The following NPLOC4 variants were observed in gnomAD, a reference collection of about 807,000 sequenced individuals.
NPLOC4 encodes the protein nuclear protein localization protein 4 homolog.
NPLOC4 carries 18 observed loss-of-function variants against 80.6 expected under a neutral mutation model. The observed-to-expected ratio is 0.22, with a 90% CI of 0.15 to 0.33. The LOEUF is 0.33. Ranked by LOEUF, NPLOC4 falls within the 10% of genes least tolerant of loss-of-function variation. NPLOC4 has a pLI of 1.00. For missense variants in NPLOC4, 540 were observed against 786.1 expected (o/e 0.69, Z 3.74); for synonymous variants, 313 against 301.5 (o/e 1.04, Z -0.39).
intron 12 of NPLOC4, among the ~76,000 whole-genome samples, chr17:81,576,190 C>T (rs2034294946): frequency 6.6e-6 from 1 of 152,184 alleles, no homozygotes; most frequent in Non-Finnish European, 1.5e-5. Flanking sequence ...TAGATTCCTA[C>T]CTGTACCAGT....
intron 12 of NPLOC4, among the ~76,000 whole-genome samples, chr17:81,585,669 G>GA (rs1206803598): frequency 6.9e-6 from 1 of 144,976 alleles, no homozygotes; most frequent in Admixed American, 7.1e-5. Flanking sequence ...TCTGGGGGGG[G>GA]GGGGAAAGAA....
chr17:81,635,367 A>C (rs2036040113), intron 1 of NPLOC4, among the ~76,000 whole-genome samples: 1 of 150,950 alleles, frequency 6.6e-6, no homozygotes, highest in Admixed American at 6.6e-5. Flanking sequence ...TAAAAAAAAA[A>C]AAAAAAAAGG....
intron 12 of NPLOC4, among the ~76,000 whole-genome samples, chr17:81,586,146 G>A (rs979193358): frequency 3.3e-5 from 5 of 152,178 alleles, no homozygotes; most frequent in African/African-American, 1.2e-4. Context: ...ATCCAAACCA[G>A]ATAAGAAGAC....
chr17:81,629,889 G>C, intron 1 of NPLOC4, 84 bp from the exon 2 acceptor site: 1 of 992,058 alleles, frequency 1.0e-6, no homozygotes, highest in Non-Finnish European at 1.6e-6. Context: ...TGGTCTTTTA[G>C]CATCTGGGTC....
intron 16 of NPLOC4, 133 bp from the exon 17 acceptor site, chr17:81,559,549 C>A (rs1022549832): frequency 6.3e-6 from 6 of 946,256 alleles, no homozygotes; most frequent in Non-Finnish European, 9.4e-6. Flanking sequence ...TGGTCCTGCC[C>A]ACACAGCACT....
chr17:81,599,994 C>A (rs1460070544), intron 9 of NPLOC4, among the ~76,000 whole-genome samples: 1 of 152,128 alleles, frequency 6.6e-6, no homozygotes, highest in African/African-American at 2.4e-5. Context: ...CACACATGCA[C>A]AGAGGAGCCA....
rs530544802 is a variant in NPLOC4 at position 81,578,354 on chromosome 17, A to G, written c.1282-6266T>C. Among the ~76,000 whole-genome samples the G allele has an allele frequency of 2.6e-5, 4 of 152,248 alleles. No homozygotes were observed. The East Asian group carries it at 7.7e-4, about 29-fold the overall frequency. ...GCCACCTCGGCGCACCCTGCTCCCC[A>G]ACAGGACACCTCCACAGTTTCCAAG... On this transcript the variant is annotated intron_variant, in intron 12 of 16. Coordinates refer to ENST00000331134, the MANE Select transcript of NPLOC4 (RefSeq NM_017921.4).
intron 6 of NPLOC4, among the ~76,000 whole-genome samples, chr17:81,607,556 T>C (rs1193242193): frequency 1.3e-5 from 2 of 152,204 alleles, no homozygotes; most frequent in African/African-American, 4.8e-5. Flanking sequence ...CCTCACATAC[T>C]GATCATTTTT....
chr17:81,625,538 A>C (rs2035772867), intron 2 of NPLOC4, among the ~76,000 whole-genome samples: 1 of 152,228 alleles, frequency 6.6e-6, no homozygotes, highest in South Asian at 2.1e-4. Context: ...GAAATAAAAA[A>C]TTCACTGAAC....
At chr17:81,570,239 C>T (rs1358010022) in intron 13 of NPLOC4, among the ~76,000 whole-genome samples, 2 of 152,222 alleles carry the variant, frequency 1.3e-5, no homozygotes, top group Non-Finnish European at 2.9e-5. Flanking sequence ...TACATGGCCT[C>T]GTCAGTTAGG....
intron 3 of NPLOC4, among the ~76,000 whole-genome samples, chr17:81,621,027 A>T (rs1408279336): frequency 2.0e-5 from 3 of 152,034 alleles, no homozygotes; most frequent in Non-Finnish European, 4.4e-5. Context: ...TGTCTCAAGA[A>T]AAGGAAAGAA....
At chr17:81,593,786 C>T (rs537454156) in intron 11 of NPLOC4, among the ~76,000 whole-genome samples, 3 of 151,262 alleles carry the variant, frequency 2.0e-5, no homozygotes, top group African/African-American at 4.9e-5. Context: ...TTCTCTGCTC[C>T]CCTCCTGGGT....
chr17:81,585,610 G>A (rs571390949), intron 12 of NPLOC4, among the ~76,000 whole-genome samples: 1 of 145,558 alleles, frequency 6.9e-6, no homozygotes, highest in Non-Finnish European at 1.5e-5. Context: ...GCAGTGAGCC[G>A]AGATCAGGCC....
At chr17:81,611,436 GCCT>G (rs1000179298) in intron 4 of NPLOC4, among the ~76,000 whole-genome samples, 1 of 150,998 alleles carries the variant, frequency 6.6e-6, no homozygotes, top group Admixed American at 6.6e-5. Flanking sequence ...TGCAACCTCC[GCCT>G]CCTCGTTTCA....
chr17:81,579,625 G>A (rs1430545758), intron 12 of NPLOC4, among the ~76,000 whole-genome samples: 1 of 151,822 alleles, frequency 6.6e-6, no homozygotes, highest in Non-Finnish European at 1.5e-5. Context: ...TCATTGTACT[G>A]ACCTGTCTCC....
chr17:81,600,802 A>C (rs539331006), intron 8 of NPLOC4, among the ~76,000 whole-genome samples: 22 of 152,310 alleles, frequency 1.4e-4, no homozygotes, highest in African/African-American at 5.3e-4. Context: ...GCTTCACTCC[A>C]AACAGGTTTG....
chr17:81,607,574 A>G (rs989972662), intron 6 of NPLOC4, among the ~76,000 whole-genome samples: 2 of 152,108 alleles, frequency 1.3e-5, no homozygotes, highest in Non-Finnish European at 2.9e-5. Flanking sequence ...TTTGGTGGTG[A>G]GCCATTTTTG....
At chr17:81,559,893 T>C (rs2033795931) in intron 16 of NPLOC4, among the ~76,000 whole-genome samples, 1 of 151,790 alleles carries the variant, frequency 6.6e-6, no homozygotes, top group Non-Finnish European at 1.5e-5. Flanking sequence ...CCACAATGCC[T>C]GGCTAATTTT....
intron 14 of NPLOC4, among the ~76,000 whole-genome samples, chr17:81,568,643 CA>C (rs1218557510): frequency 7.2e-5 from 11 of 152,338 alleles, no homozygotes; most frequent in African/African-American, 2.6e-4. Context: ...AAGCCGAGGC[CA>C]GGCCGAGAGG....
Sources: allele counts gnomAD v4.1 joint callset (sites outside exome capture counted in the v4.1 genomes callset), GRCh38; gene constraint gnomAD v4.1.1; transcripts MANE v1.5; gene names NCBI Gene and HGNC (gene_info 2026-07-23, HGNC 2026-07-21).